The following KIF24 variants were observed in gnomAD, a reference collection of about 807,000 sequenced individuals.
The protein encoded by KIF24 is kinesin-like protein KIF24.
In KIF24, 81 loss-of-function variants were observed where a neutral mutation model predicts 118.9. The observed-to-expected ratio is 0.68, with a 90% CI of 0.57 to 0.82. The LOEUF (loss-of-function observed/expected upper bound fraction) is 0.82. KIF24 is among the 40% of genes least tolerant of loss of function. The pLI is 0.00. For synonymous variants in KIF24, 599 were observed against 610.0 expected, an observed-to-expected ratio of 0.98 and a Z score of 0.27; for missense variants, 1,560 against 1,661.6, an observed-to-expected ratio of 0.94 and a Z score of 1.06.
intron 4 of KIF24, among the ~76,000 whole-genome samples, chr9:34,292,451 A>G (rs1294217365): frequency 6.6e-6 from 1 of 152,082 alleles, no homozygotes; most frequent in African/African-American, 2.4e-5. Flanking sequence ...GGAGAAAGGT[A>G]TAGACCTGTC....
intron 6 of KIF24, among the ~76,000 whole-genome samples, chr9:34,280,368 G>A (rs1054054696): frequency 6.7e-6 from 1 of 149,024 alleles, no homozygotes; most frequent in Non-Finnish European, 1.5e-5. Flanking sequence ...ACACCAGACT[G>A]CCAGCATTTA....
At chr9:34,269,031 G>C (rs532943490) in intron 8 of KIF24, among the ~76,000 whole-genome samples, 1 of 152,290 alleles carries the variant, frequency 6.6e-6, no homozygotes, top group Admixed American at 6.5e-5. Flanking sequence ...TTCCTAATTG[G>C]CATGGATTGA....
At chr9:34,320,062 A>G (rs748580331) in intron 1 of KIF24, among the ~76,000 whole-genome samples, 6 of 152,084 alleles carry the variant, frequency 3.9e-5, no homozygotes, top group Non-Finnish European at 5.9e-5. Context: ...CCCCAGCTCT[A>G]TCCCAGTCTC....
chr9:34,298,204 T>C (rs575767771), intron 3 of KIF24, among the ~76,000 whole-genome samples: 51 of 152,120 alleles, frequency 3.4e-4, no homozygotes, highest in African/African-American at 1.2e-3. Flanking sequence ...GTTTAGGGAA[T>C]AGCAAGGATT....
At chr9:34,303,541 AC>A in intron 3 of KIF24, among the ~76,000 whole-genome samples, 1 of 152,244 alleles carries the variant, frequency 6.6e-6, no homozygotes, top group African/African-American at 2.4e-5. Flanking sequence ...AGGCTTTTGT[AC>A]TCATATTTAT....
intron 1 of KIF24, among the ~76,000 whole-genome samples, chr9:34,315,529 G>T (rs558915010): frequency 6.6e-6 from 1 of 152,182 alleles, no homozygotes; most frequent in South Asian, 2.1e-4. Flanking sequence ...AACTGATACG[G>T]CATTTATGAC....
chr9:34,301,852 C>A (rs1029472005), intron 3 of KIF24, among the ~76,000 whole-genome samples: 1 of 151,668 alleles, frequency 6.6e-6, no homozygotes, highest in Non-Finnish European at 1.5e-5. Flanking sequence ...AATTAAAAAA[C>A]CAAAATTACA....
intron 3 of KIF24, among the ~76,000 whole-genome samples, chr9:34,305,164 G>C (rs1044790285): frequency 1.3e-5 from 2 of 152,108 alleles, no homozygotes; most frequent in Non-Finnish European, 2.9e-5. Flanking sequence ...CTTCAGCTTG[G>C]AATAAGTTTC....
chr9:34,267,206 A>G (rs1214422116), intron 8 of KIF24, among the ~76,000 whole-genome samples: 1 of 152,178 alleles, frequency 6.6e-6, no homozygotes, highest in East Asian at 1.9e-4. Flanking sequence ...ATGGCTGATA[A>G]AATTCTTAGG....
At chr9:34,310,684 G>A in intron 2 of KIF24, 40 bp downstream of exon 2, 1 of 1,512,532 alleles carries the variant, frequency 6.6e-7, no homozygotes, top group Non-Finnish European at 8.9e-7. Flanking sequence ...CTTGCCTGAG[G>A]CTACTTTCCC....
At chr9:34,279,173 T>C (rs1835759212) in intron 6 of KIF24, among the ~76,000 whole-genome samples, 1 of 152,118 alleles carries the variant, frequency 6.6e-6, no homozygotes, top group Non-Finnish European at 1.5e-5. Flanking sequence ...GAATAATACA[T>C]GTGGAAAGTT....
chr9:34,312,541 C>G (rs1334396240), intron 1 of KIF24, among the ~76,000 whole-genome samples: 1 of 152,116 alleles, frequency 6.6e-6, no homozygotes, highest in Non-Finnish European at 1.5e-5. Flanking sequence ...ATTTCTATTT[C>G]ATCTTCTTTC....
chr9:34,259,629 T>C lies in KIF24; in HGVS notation c.1592A>G (p.Glu531Gly), dbSNP rs1479624936. 25 of 1,613,816 alleles carry C rather than the reference T, an allele frequency of 1.5e-5. No homozygotes were observed. The highest frequency in any genetic ancestry group is 2.1e-5 in the Non-Finnish European group (25 of 1,179,838). Residue 531 changes from glutamate to glycine, a missense_variant, in exon 10 of 13, where the codon GAA (glutamate) becomes GGA (glycine). Physicochemically the swap from Glu to Gly is moderately conservative, Grantham distance 98. Transcript: ENST00000402558. ...ATAGCGCAAGGTGTTGAGAGTGTGT[T>C]CAGTGGCCACGTGGCTTGGTGAGAT... ...ANISPSHVAT[E>G]HTLNTLRYAD...
chr9:34,296,030 T>C lies in KIF24; in HGVS notation c.911+987A>G, dbSNP rs924950270. ...GTCAGGAGATCGAGACCATCCTGACTAACACAGTGAAACCCCGTCTCTACT... is the reference window on the plus strand; with the variant it reads ...GTCAGGAGATCGAGACCATCCTGACCAACACAGTGAAACCCCGTCTCTACT... On this transcript the variant is annotated intron_variant, in intron 4 of 12. Transcript: ENST00000402558. Among the ~76,000 whole-genome samples the C allele has an allele frequency of 2.0e-5, 3 of 146,984 alleles. No individual in the cohort carries two copies. In the South Asian group the frequency reaches 6.6e-4, roughly 33 times the overall value.
At chr9:34,267,794 C>G (rs1211718446) in intron 8 of KIF24, among the ~76,000 whole-genome samples, 2 of 152,174 alleles carry the variant, frequency 1.3e-5, no homozygotes, top group Non-Finnish European at 2.9e-5. Flanking sequence ...CCACATGTGG[C>G]TGGTGGCTGC....
chr9:34,302,363 G>C (rs1461750247), intron 3 of KIF24, among the ~76,000 whole-genome samples: 1 of 151,860 alleles, frequency 6.6e-6, no homozygotes, highest in East Asian at 1.9e-4. Context: ...GAGTGCAGTG[G>C]CACAATCACA....
chr9:34,311,718 GTATATACACGTATATATA>G (rs1458833021), intron 1 of KIF24, among the ~76,000 whole-genome samples: 11 of 134,046 alleles, frequency 8.2e-5, no homozygotes, highest in African/African-American at 2.8e-4. Context: ...ACGTATATAT[GTATATACACGTATATATA>G]TACATATATA....
chr9:34,286,835 C>T, intron 5 of KIF24, 131 bp from the exon 6 acceptor site: 5 of 658,324 alleles, frequency 7.6e-6, no homozygotes, highest in Admixed American at 2.4e-5. Context: ...GATGCTTATC[C>T]TCCTCCCAAC....
At position 34,270,496 on chromosome 9, in the gene KIF24, A is replaced by AT. The variant is rs1383341114; in HGVS notation, c.1338-1135dup. The stretch of plus-strand genomic sequence containing the variant: ...GTGCTACTGCACTCCAGCCTGGGCA[A>AT]TAGAGCGAGACTCCGTCTCAAAAAA... On this transcript the variant is annotated intron_variant, in intron 7 of 12. Coordinates refer to ENST00000402558, the MANE Select transcript of KIF24 (RefSeq NM_194313.4). Among the ~76,000 whole-genome samples, 5 of 150,934 alleles carry AT rather than the reference A, an allele frequency of 3.3e-5. 1 individual carries two copies.
Sources: allele counts gnomAD v4.1 joint callset (sites outside exome capture counted in the v4.1 genomes callset), GRCh38; gene constraint gnomAD v4.1.1; transcripts MANE v1.5; gene names NCBI Gene and HGNC (gene_info 2026-07-23, HGNC 2026-07-21).